The following PIGU variants were observed in gnomAD, a reference collection of about 807,000 sequenced individuals.
PIGU encodes GPI-anchor transamidase component PIGU.
Under a neutral mutation model 49.9 loss-of-function variants are expected in PIGU, and 24 were observed. The ratio of observed to expected loss-of-function variants is 0.48; its 90% CI spans 0.35 to 0.68. The LOEUF is 0.68. Ranked by LOEUF, PIGU falls within the 30% of genes least tolerant of loss-of-function variation. PIGU has a pLI of 0.01. For missense variants in PIGU, 490 were observed against 532.6 expected (o/e 0.92, Z 0.79); for synonymous variants, 220 against 205.7 (o/e 1.07, Z -0.59).
At chr20:34,614,449 A>G (rs2146739421) in intron 7 of PIGU, among the ~76,000 whole-genome samples, 1 of 151,994 alleles carries the variant, frequency 6.6e-6, no homozygotes, top group East Asian at 1.9e-4. Flanking sequence ...TCTGGGCAAC[A>G]TGGCGAAACC....
intron 9 of PIGU, 42 bp from the exon 10 acceptor site, chr20:34,581,714 G>A: frequency 1.2e-6 from 2 of 1,604,354 alleles, no homozygotes; most frequent in Non-Finnish European, 1.7e-6. Context: ...ATGAGTCAGG[G>A]ACCAGGCCTA....
rs199852968 is a variant in PIGU, at chr20:34,560,911, G to A, written c.1263C>T (p.Tyr421=). The part of the protein sequence containing the change: ...RREYYLTHGL[Y]LTAKDGTEAM... ...CCTCTGTGCCATCCTTGGCGGTCAA[G>A]TAGAGGCCATGTGTGAGGTAGTACT... The change falls in exon 12 of 12, where the codon TAC becomes TAT. Residue 421 remains tyrosine, a synonymous_variant. Coordinates refer to ENST00000217446, the MANE Select transcript of PIGU (RefSeq NM_080476.5). 2.2e-4 allele frequency: 357 copies of A among 1,612,886 alleles called. No homozygotes were observed. The highest frequency in any genetic ancestry group is 2.8e-4 in the Non-Finnish European group (333 of 1,179,360).
intron 1 of PIGU, among the ~76,000 whole-genome samples, chr20:34,658,259 TG>T (rs1336664342): frequency 6.6e-6 from 1 of 152,220 alleles, no homozygotes; most frequent in Non-Finnish European, 1.5e-5. Context: ...CCTCCCGAGG[TG>T]CCGGGATTGC....
rs376692095 is a variant in PIGU at position 34,634,007 on chromosome 20, G to A, written c.529+608C>T. On this transcript the variant is annotated intron_variant, in intron 6 of 11. Transcript: ENST00000217446. The stretch of plus-strand genomic sequence containing the variant: ...AAAGCCAGAAAGTAGTTGCTTCAAA[G>A]AAGTTGAACTAGGGGTGGGAAGAAA... Among the ~76,000 whole-genome samples the A allele has an allele frequency of 1.3e-4, 20 of 152,280 alleles. No individual in the cohort carries two copies. The South Asian group carries it at 4.1e-3, about 32-fold the overall frequency.
chr20:34,645,264 A>G lies in PIGU; in HGVS notation c.255+11T>C. The G allele has an allele frequency of 1.3e-6, 2 of 1,558,650 alleles. No homozygotes were observed. The highest frequency in any genetic ancestry group is 1.7e-6 in the Non-Finnish European group (2 of 1,161,014). ...TATATACATATCAATTTTATATGGA[A>G]GGTTACTTACCATAAACACCAATTC... On this transcript the variant is annotated intron_variant, in intron 3 of 11. Coordinates refer to ENST00000217446, the MANE Select transcript of PIGU (RefSeq NM_080476.5).
At chr20:34,615,678 C>A (rs1213232409) in intron 7 of PIGU, among the ~76,000 whole-genome samples, 2 of 152,088 alleles carry the variant, frequency 1.3e-5, no homozygotes, top group Non-Finnish European at 1.5e-5. Flanking sequence ...CTGTCCCACT[C>A]GAGACATGAA....
chr20:34,581,408 T>C (rs1291524793), intron 10 of PIGU, 140 bp downstream of exon 10: 4 of 1,203,664 alleles, frequency 3.3e-6, no homozygotes, highest in African/African-American at 1.5e-5. Context: ...AAGCAGATAT[T>C]GTGCTTCATG....
intron 7 of PIGU, among the ~76,000 whole-genome samples, chr20:34,612,941 G>A (rs1381764361): frequency 3.3e-5 from 5 of 152,084 alleles, no homozygotes; most frequent in South Asian, 2.1e-4. Context: ...TCATAGCAGC[G>A]TAAGAATGGA....
At chr20:34,630,118 A>G in intron 6 of PIGU, among the ~76,000 whole-genome samples, 1 of 152,184 alleles carries the variant, frequency 6.6e-6, no homozygotes, top group African/African-American at 2.4e-5. Context: ...TCAAGTTGAA[A>G]GTTTATATAC....
At chr20:34,649,910 G>A (rs575217535) in intron 2 of PIGU, among the ~76,000 whole-genome samples, 50 of 144,020 alleles carry the variant, frequency 3.5e-4, no homozygotes, top group South Asian at 1.8e-3. Context: ...GTGCAGTGGC[G>A]CGATCTCGGC....
intron 1 of PIGU, among the ~76,000 whole-genome samples, chr20:34,665,192 AT>A (rs1171497892): frequency 6.5e-3 from 388 of 59,542 alleles, no homozygotes; most frequent in African/African-American, 0.027. Flanking sequence ...TGTATGGCCA[AT>A]TTTTTTTTTT....
At chr20:34,626,934 A>G (rs1985514045) in intron 6 of PIGU, among the ~76,000 whole-genome samples, 1 of 151,998 alleles carries the variant, frequency 6.6e-6, no homozygotes, top group African/African-American at 2.4e-5. Flanking sequence ...TTTTATTAAT[A>G]TTATGTGGTA....
intron 1 of PIGU, among the ~76,000 whole-genome samples, chr20:34,658,309 G>A (rs939013098): frequency 2.0e-5 from 3 of 152,246 alleles, no homozygotes; most frequent in African/African-American, 7.2e-5. Context: ...GTGGTGCCCA[G>A]GCTGGAGTGC....
chr20:34,612,221 G>A (rs1232052387), intron 7 of PIGU, among the ~76,000 whole-genome samples: 3 of 152,100 alleles, frequency 2.0e-5, no homozygotes, highest in African/African-American at 7.2e-5. Context: ...GGATGAAGCT[G>A]GAAACCATCA....
intron 1 of PIGU, among the ~76,000 whole-genome samples, chr20:34,664,375 C>G (rs1026813032): frequency 6.6e-6 from 1 of 152,102 alleles, no homozygotes; most frequent in African/African-American, 2.4e-5. Flanking sequence ...CTGGTAAAAA[C>G]ATTTTTAAAA....
rs971127613 is a variant in PIGU at position 34,645,527 on chromosome 20, T to G, written c.196-193A>C. Among the ~76,000 whole-genome samples the G allele has an allele frequency of 2.0e-5, 3 of 152,124 alleles. No homozygotes were observed. In the South Asian group the frequency reaches 6.2e-4, roughly 32 times the overall value. On this transcript the variant is annotated intron_variant, in intron 2 of 11. Coordinates refer to ENST00000217446, the MANE Select transcript of PIGU (RefSeq NM_080476.5). ...GAATAATTTAGTACTGCCGGACCATTTTGTGCTGCTGGGACTATCTGTTGA... is the reference window on the plus strand; with the variant it reads ...GAATAATTTAGTACTGCCGGACCATGTTGTGCTGCTGGGACTATCTGTTGA...
In PIGU at chr20:34,656,280, A is replaced by ATT. The variant is rs752461467; in HGVS notation, c.195+898_195+899dup. On this transcript the variant is annotated intron_variant, in intron 2 of 11. Coordinates refer to ENST00000217446, the MANE Select transcript of PIGU (RefSeq NM_080476.5). ...AGCCACCGCGCCTGGCCTGTTTATAATTTTTTTTTTTTTTTTTTTTGAGAC... is the reference window on the plus strand; with the variant it reads ...AGCCACCGCGCCTGGCCTGTTTATAATTTTTTTTTTTTTTTTTTTTTTGAGAC... Among the ~76,000 whole-genome samples, 14 of 43,200 alleles carry ATT rather than the reference A, an allele frequency of 3.2e-4. 1 individual carries two copies. Among genetic ancestry groups the ATT allele is most frequent in the African/African-American group, 1.0e-3 (12 of 11,436 alleles). 28.3% of individuals were successfully genotyped at this position (43,200 alleles called of 152,430 possible).
At chr20:34,652,119 C>G (rs1986560164) in intron 2 of PIGU, among the ~76,000 whole-genome samples, 1 of 152,162 alleles carries the variant, frequency 6.6e-6, no homozygotes, top group African/African-American at 2.4e-5. Context: ...CCTACCTCAG[C>G]CTCCTGAGTA....
intron 1 of PIGU, among the ~76,000 whole-genome samples, chr20:34,667,064 A>G (rs1380837189): frequency 6.6e-6 from 1 of 150,648 alleles, no homozygotes; most frequent in African/African-American, 2.4e-5. Context: ...CTGGTCTCAA[A>G]CTCCCGGCCT....
Sources: gnomAD v4.1 joint callset for allele counts (sites outside exome capture counted in the v4.1 genomes callset) on GRCh38, gnomAD v4.1.1 for gene constraint, MANE v1.5 for transcripts, NCBI Gene and HGNC (gene_info 2026-07-23, HGNC 2026-07-21) for gene names.